The following XKRX variants were observed in gnomAD, a reference collection of about 807,000 sequenced individuals.
The protein encoded by XKRX is XK-related protein 2.
Under a neutral mutation model 22.4 loss-of-function variants are expected in XKRX, and 11 were observed. The ratio of observed to expected loss-of-function variants is 0.49; its 90% CI spans 0.31 to 0.81. The LOEUF (loss-of-function observed/expected upper bound fraction) is 0.81. Among genes scored for constraint, XKRX ranks in the 40% least tolerant of loss-of-function variants. XKRX has a pLI of 0.05. For missense variants in XKRX, 320 were observed against 336.5 expected, an observed-to-expected ratio of 0.95 and a Z score of 0.38; for synonymous variants, 114 against 132.2, an observed-to-expected ratio of 0.86 and a Z score of 0.94.
upstream of XKRX, among the ~76,000 whole-genome samples, chrX:100,933,167 CA>C (rs368329309): frequency 3.1e-3 from 264 of 85,614 alleles, 4 homozygotes; most frequent in Non-Finnish European, 3.6e-3. Context: ...AACTCTGTCT[CA>C]AAAAAAAAAA....
chrX:100,921,281 G>T (rs377473387), intron 2 of XKRX, among the ~76,000 whole-genome samples: 1 of 111,286 alleles, frequency 9.0e-6, no homozygotes, highest in Non-Finnish European at 1.9e-5. Context: ...CAAGTGATCC[G>T]CCTGTCTTGG....
chrX:100,917,674 AAAAGAAAGAAAGAAAGAAAGAAAG>A (rs1556193930), intron 2 of XKRX, among the ~76,000 whole-genome samples: 21 of 25,408 alleles, frequency 8.3e-4, no homozygotes, highest in African/African-American at 3.2e-3. Context: ...AGAAAGAAAG[AAAAGAAAGAAAGAAAGAAAGAAAG>A]AAAGAAAGAA....
chrX:100,930,134 C>G (rs2147945529), upstream of XKRX, among the ~76,000 whole-genome samples: 1 of 108,437 alleles, frequency 9.2e-6, no homozygotes, highest in South Asian at 4.2e-4. Context: ...ACTAAAAATA[C>G]AAAAATCAGC....
At chrX:100,905,560 C>T in the XKRX span, among the ~76,000 whole-genome samples, 1 of 111,997 alleles carries the variant, frequency 8.9e-6, no homozygotes, top group African/African-American at 3.2e-5. Flanking sequence ...GTATTCTCTC[C>T]CACCTTCCCA....
At chrX:100,951,244 A>G in the XKRX span, among the ~76,000 whole-genome samples, 2 of 105,017 alleles carry the variant, frequency 1.9e-5, no homozygotes, top group East Asian at 6.0e-4. Context: ...CAAAAAAAAA[A>G]AAAAAAAAAA....
At chrX:100,899,994 G>C in the XKRX span, among the ~76,000 whole-genome samples, 1 of 111,768 alleles carries the variant, frequency 8.9e-6, no homozygotes, top group East Asian at 2.8e-4. Context: ...TGGAAAACAT[G>C]AATGTAAATT....
chrX:100,936,349 T>C, the XKRX span, among the ~76,000 whole-genome samples: 1 of 107,929 alleles, frequency 9.3e-6, no homozygotes, highest in Non-Finnish European at 1.9e-5. Context: ...AAGACCAGCC[T>C]GGCCAAAATG....
chrX:100,907,145 T>C, the XKRX span, among the ~76,000 whole-genome samples: 5 of 111,995 alleles, frequency 4.5e-5, no homozygotes, highest in Non-Finnish European at 7.5e-5. Flanking sequence ...TGATTTTTTA[T>C]AGCCTCATCT....
chrX:100,943,896 A>G, the XKRX span, among the ~76,000 whole-genome samples: 1 of 112,054 alleles, frequency 8.9e-6, no homozygotes, highest in Admixed American at 9.5e-5. Flanking sequence ...GGACATCTAC[A>G]TATATACGTG....
the XKRX span, among the ~76,000 whole-genome samples, chrX:100,954,073 C>T: frequency 2.7e-5 from 3 of 111,008 alleles, no homozygotes; most frequent in African/African-American, 6.6e-5. Context: ...ATCAGAAACA[C>T]GCAAATCAAA....
At chrX:100,924,355 T>C (rs1352195710) in intron 1 of XKRX, among the ~76,000 whole-genome samples, 1 of 111,889 alleles carries the variant, frequency 8.9e-6, no homozygotes, top group African/African-American at 3.2e-5. Context: ...GTGCCTCTTG[T>C]CCTGTTTGTG....
the XKRX span, among the ~76,000 whole-genome samples, chrX:100,956,279 T>A: frequency 9.0e-6 from 1 of 111,535 alleles, no homozygotes; most frequent in Non-Finnish European, 1.9e-5. Context: ...GATGGGATGA[T>A]CTGTGCAGCA....
the XKRX span, among the ~76,000 whole-genome samples, chrX:100,887,184 T>C: frequency 1.8e-5 from 2 of 111,573 alleles, no homozygotes; most frequent in East Asian, 5.6e-4. Context: ...CCCAAGCAGG[T>C]TGTATGTAAA....
the XKRX span, among the ~76,000 whole-genome samples, chrX:100,952,106 C>G: frequency 9.1e-6 from 1 of 109,944 alleles, no homozygotes; most frequent in African/African-American, 3.3e-5. Context: ...ATAATTATAC[C>G]TCACAACTAA....
the XKRX span, among the ~76,000 whole-genome samples, chrX:100,897,609 G>A: frequency 1.4e-4 from 13 of 90,619 alleles, no homozygotes; most frequent in Non-Finnish European, 2.6e-4. Context: ...GTGTGTGTGT[G>A]TGTGTGTGTG....
chrX:100,934,678 C>T, the XKRX span, among the ~76,000 whole-genome samples: 2 of 111,922 alleles, frequency 1.8e-5, no homozygotes, highest in East Asian at 5.6e-4. Flanking sequence ...CACTTTTTGG[C>T]TCTTATGAGG....
the XKRX span, among the ~76,000 whole-genome samples, chrX:100,938,243 C>T: frequency 9.0e-6 from 1 of 111,389 alleles, no homozygotes; most frequent in Admixed American, 9.6e-5. Flanking sequence ...CACAGTCCTG[C>T]TTTTTAGGAC....
At chrX:100,952,853 G>A in the XKRX span, among the ~76,000 whole-genome samples, 1 of 112,293 alleles carries the variant, frequency 8.9e-6, no homozygotes, top group Non-Finnish European at 1.9e-5. Context: ...GAGGATCTTT[G>A]TGGTTACAAA....
chrX:100,898,989 CACA>C, the XKRX span, among the ~76,000 whole-genome samples: 3 of 110,757 alleles, frequency 2.7e-5, no homozygotes, highest in African/African-American at 6.6e-5. Flanking sequence ...AACAACAATC[CACA>C]ACAAGCAGAA....
Sources: gnomAD v4.1 joint callset for allele counts (sites outside exome capture counted in the v4.1 genomes callset) on GRCh38, gnomAD v4.1.1 for gene constraint, MANE v1.5 for transcripts, NCBI Gene and HGNC (gene_info 2026-07-23, HGNC 2026-07-21) for gene names.